FNTA: variants seen among roughly 807,000 people sequenced by gnomAD.
FNTA encodes protein farnesyltransferase/geranylgeranyltransferase type-1 subunit alpha.
In FNTA, 27 loss-of-function variants were observed where a neutral mutation model predicts 55.2. That is an observed-to-expected ratio of 0.49 (90% confidence interval 0.36 to 0.67). The LOEUF (loss-of-function observed/expected upper bound fraction) is 0.67, where lower values mean the gene tolerates loss of function less well. Among genes scored for constraint, FNTA ranks in the 30% least tolerant of loss-of-function variants. The pLI is 0.00. For missense variants in FNTA, 422 were observed against 464.7 expected (o/e 0.91, Z 0.85); for synonymous variants, 176 against 170.7 (o/e 1.03, Z -0.24).
chr8:43,064,009 A>G (rs1290386656), intron 2 of FNTA, 92 bp from the exon 3 acceptor site: 1 of 806,508 alleles, frequency 1.2e-6, no homozygotes. Flanking sequence ...ACACAGGCCA[A>G]TAAAATATCT....
intron 2 of FNTA, chr8:43,063,163 C>T (rs1038368568): frequency 2.1e-5 from 9 of 432,140 alleles, no homozygotes; most frequent in Non-Finnish European, 4.2e-5. Context: ...TCACTGCAGC[C>T]TTGACCTCCC....
chr8:43,060,120 C>A (rs748915780), intron 2 of FNTA, among the ~76,000 whole-genome samples: 2 of 152,136 alleles, frequency 1.3e-5, no homozygotes, highest in Non-Finnish European at 2.9e-5. Flanking sequence ...AGATGTAAAC[C>A]TCAGAATCGA....
chr8:43,077,577 A>G, intron 6 of FNTA: 1 of 357,300 alleles, frequency 2.8e-6, no homozygotes, highest in East Asian at 4.1e-5. Flanking sequence ...GCTACTGGAG[A>G]TTGGAAAGAA....
chr8:43,072,125 T>C, intron 4 of FNTA, 56 bp from the exon 5 acceptor site: 1 of 1,348,636 alleles, frequency 7.4e-7, no homozygotes, highest in Non-Finnish European at 9.8e-7. Context: ...GTGCAACTGA[T>C]ATTTTAGTTC....
At chr8:43,076,354 A>T (rs1055098987) in intron 5 of FNTA, among the ~76,000 whole-genome samples, 2 of 151,056 alleles carry the variant, frequency 1.3e-5, no homozygotes, top group Non-Finnish European at 3.0e-5. Context: ...TGTCTTTATT[A>T]TTTTTCCAGA....
chr8:43,056,538 C>T lies in FNTA; in HGVS notation c.192C>T (p.Val64=). ...TGAGCCTGGACTCGCCCTCCTATGT[C>T]CTGTACAGGTAACGCCCCCGCGGCG... ...GFVSLDSPSY[V]LYRDRAEWAD... The change falls in exon 1 of 9, where the codon GTC becomes GTT. Residue 64 remains valine, a synonymous_variant. Transcript: ENST00000302279. 2.7e-6 allele frequency: 4 copies of T among 1,507,182 alleles called. No homozygotes were observed. Among genetic ancestry groups the T allele is most frequent in the Non-Finnish European group, 3.5e-6 (4 of 1,128,414 alleles). The allele number at this position is 1,507,182 out of a possible 1,614,324, so 93.4% of individuals were successfully genotyped here.
intron 6 of FNTA, chr8:43,080,652 C>G (rs111398075): frequency 6.6e-5 from 10 of 152,180 alleles, no homozygotes; most frequent in African/African-American, 2.4e-4. Context: ...AAGTTTCAAT[C>G]GGTATGATTA....
chr8:43,062,581 CA>C (rs1458476091), intron 2 of FNTA, among the ~76,000 whole-genome samples: 3 of 152,134 alleles, frequency 2.0e-5, no homozygotes, highest in Non-Finnish European at 2.9e-5. Flanking sequence ...TGCTCAAATT[CA>C]ACTTTTTAAA....
At chr8:43,068,011 T>TGCCTCAGTCTCCC (rs1237827361) in intron 3 of FNTA, among the ~76,000 whole-genome samples, 2 of 152,232 alleles carry the variant, frequency 1.3e-5, no homozygotes, top group African/African-American at 2.4e-5. Flanking sequence ...GCAAGTCTCC[T>TGCCTCAGTCTCCC]GCCTCAGTCT....
At chr8:43,056,601 C>G (rs1227161025) in intron 1 of FNTA, 55 bp downstream of exon 1, 19 of 1,153,070 alleles carry the variant, frequency 1.6e-5, no homozygotes, top group Non-Finnish European at 2.1e-5. Context: ...CCCAGCGGCC[C>G]CAAGACCCGC....
At chr8:43,069,961 AC>A (rs2130555844) in intron 4 of FNTA, 2 of 207,004 alleles carry the variant, frequency 9.7e-6, no homozygotes, top group East Asian at 2.6e-4. Flanking sequence ...TTATTTAAAA[AC>A]TACCACTGTA....
In FNTA at chr8:43,072,203, GA is replaced by G; in HGVS notation, c.531del (p.Glu177AspfsTer3). On this transcript the variant is annotated frameshift_variant, in exon 5 of 9. Coordinates refer to ENST00000302279, the MANE Select transcript of FNTA (RefSeq NM_002027.3). LOFTEE classifies it high-confidence loss of function. ...QVWHHRRVLV[E>X]WLRDPSQELE... ...TAGGCATCATAGGCGAGTATTAGTG[GA>G]ATGGCTAAGAGATCCATCTCAGGAG... 1 of 1,559,768 alleles carries G rather than the reference GA, an allele frequency of 6.4e-7. No homozygotes were observed. Among genetic ancestry groups the G allele is most frequent in the Non-Finnish European group, 8.7e-7 (1 of 1,153,362 alleles).
chr8:43,074,550 T>TACACACAC (rs10543932), intron 5 of FNTA, among the ~76,000 whole-genome samples: 73 of 150,476 alleles, frequency 4.9e-4, no homozygotes, highest in Non-Finnish European at 6.1e-4. Context: ...AAAAGTGAAA[T>TACACACAC]ACACACACAC....
Position 43,069,544 on chromosome 8 carries a change from G to T in FNTA, c.402-11G>T, listed in dbSNP as rs758304044. 6.4e-7 allele frequency: 1 copy of T among 1,560,972 alleles called. No homozygotes were observed. Among genetic ancestry groups the T allele is most frequent in the African/African-American group, 1.4e-5 (1 of 73,886 alleles). On this transcript the variant is annotated splice_polypyrimidine_tract_variant and intron_variant, in intron 3 of 8. Transcript: ENST00000302279. ...AATAATGCGACTTTGGATGTTGTAT[G>T]TTTGCCCTAGGCATTTCCGGAGAGT...
intron 3 of FNTA, among the ~76,000 whole-genome samples, chr8:43,065,056 G>A (rs773061425): frequency 6.6e-5 from 10 of 151,390 alleles, no homozygotes; most frequent in Non-Finnish European, 1.3e-4. Context: ...GGCTGGCCTC[G>A]ATCTCCTGAC....
chr8:43,073,667 A>G (rs563098734), intron 5 of FNTA: 1 of 152,284 alleles, frequency 6.6e-6, no homozygotes, highest in African/African-American at 2.4e-5. Context: ...TTTATTAAAA[A>G]AAAAAAAATT....
At chr8:43,076,362 A>G (rs916667827) in intron 5 of FNTA, among the ~76,000 whole-genome samples, 1 of 151,842 alleles carries the variant, frequency 6.6e-6, no homozygotes, top group Non-Finnish European at 1.5e-5. Context: ...TTATTTTTCC[A>G]GACAAGATCT....
intron 3 of FNTA, among the ~76,000 whole-genome samples, chr8:43,065,456 AGGTT>A (rs1457963860): frequency 6.6e-6 from 1 of 152,092 alleles, no homozygotes; most frequent in African/African-American, 2.4e-5. Context: ...CATGTTGCTC[AGGTT>A]GGTCTCGACC....
chr8:43,085,050 AAT>A, intron 8 of FNTA, 108 bp from the exon 9 acceptor site: 6 of 1,149,720 alleles, frequency 5.2e-6, no homozygotes, highest in Non-Finnish European at 7.4e-6. Context: ...GGTGACTCTT[AAT>A]AGTGTGTCTT....
Sources: allele counts gnomAD v4.1 joint callset (sites outside exome capture counted in the v4.1 genomes callset), GRCh38; gene constraint gnomAD v4.1.1; transcripts MANE v1.5; gene names NCBI Gene and HGNC (gene_info 2026-07-23, HGNC 2026-07-21).